Variants in ITGBL1 observed in about 807,000 individuals in gnomAD.
ITGBL1 encodes the protein integrin beta-like protein 1.
Under a neutral mutation model 68.5 loss-of-function variants are expected in ITGBL1, and 51 were observed. The observed-to-expected ratio is 0.74, with a 90% CI of 0.59 to 0.94. The LOEUF (loss-of-function observed/expected upper bound fraction) is 0.94, where lower values mean the gene tolerates loss of function less well. Ranked by LOEUF, ITGBL1 falls within the 40% of genes least tolerant of loss-of-function variation. ITGBL1 has a pLI of 0.00. For missense variants in ITGBL1, 649 were observed against 647.4 expected (o/e 1.00, Z -0.03); for synonymous variants, 209 against 227.3 (o/e 0.92, Z 0.72).
intron 2 of ITGBL1, among the ~76,000 whole-genome samples, chr13:101,473,166 C>CT (rs2139646562): frequency 6.6e-6 from 1 of 152,262 alleles, no homozygotes; most frequent in Non-Finnish European, 1.5e-5. Flanking sequence ...ATTATCCATG[C>CT]AGGAAAGCAC....
Position 101,580,300 on chromosome 13 carries a change from A to G in ITGBL1, c.727+873A>G, listed in dbSNP as rs551201838. Among the ~76,000 whole-genome samples, 8 of 152,320 alleles carry G rather than the reference A, an allele frequency of 5.3e-5. No individual in the cohort carries two copies. The South Asian group carries it at 1.7e-3, about 32-fold the overall frequency. ...CATACCACCTGTCAGAAATTGACATAGAGGAGTAAAATGTGCCACATTTCT... is the reference window on the plus strand; with the variant it reads ...CATACCACCTGTCAGAAATTGACATGGAGGAGTAAAATGTGCCACATTTCT... On this transcript the variant is annotated intron_variant, in intron 5 of 10. Transcript: ENST00000376180.
chr13:101,547,671 A>C (rs2049849806), intron 2 of ITGBL1, among the ~76,000 whole-genome samples: 1 of 151,804 alleles, frequency 6.6e-6, no homozygotes, highest in Non-Finnish European at 1.5e-5. Flanking sequence ...ACAGTCAAAA[A>C]TAATTTATTG....
intron 7 of ITGBL1, among the ~76,000 whole-genome samples, chr13:101,678,061 T>C (rs1383303194): frequency 6.6e-6 from 1 of 152,186 alleles, no homozygotes; most frequent in African/African-American, 2.4e-5. Context: ...AATTATAAAC[T>C]ATTTTTATTT....
At chr13:101,701,671 G>T (rs1031441255) in intron 8 of ITGBL1, among the ~76,000 whole-genome samples, 2 of 152,020 alleles carry the variant, frequency 1.3e-5, no homozygotes, top group African/African-American at 4.8e-5. Flanking sequence ...ACTTCTAAAA[G>T]GGGAAAAATT....
At chr13:101,700,785 C>G (rs1396630814) in intron 8 of ITGBL1, among the ~76,000 whole-genome samples, 1 of 152,158 alleles carries the variant, frequency 6.6e-6, no homozygotes, top group Non-Finnish European at 1.5e-5. Flanking sequence ...AAGAACTTTT[C>G]ATTTGTTTTT....
chr13:101,616,426 A>G (rs2031364007), intron 7 of ITGBL1, among the ~76,000 whole-genome samples: 1 of 152,184 alleles, frequency 6.6e-6, no homozygotes, highest in South Asian at 2.1e-4. Flanking sequence ...CTTCTGTGGT[A>G]TAAGTTGCTC....
chr13:101,690,961 G>T (rs1388109822), intron 7 of ITGBL1, among the ~76,000 whole-genome samples: 1 of 152,148 alleles, frequency 6.6e-6, no homozygotes, highest in Non-Finnish European at 1.5e-5. Flanking sequence ...TGAACAATTA[G>T]CTCCTGCAGC....
intron 2 of ITGBL1, among the ~76,000 whole-genome samples, chr13:101,483,025 C>G (rs2048648887): frequency 2.6e-5 from 4 of 152,212 alleles, no homozygotes; most frequent in Admixed American, 1.3e-4. Flanking sequence ...TGGTATAGAG[C>G]TGGATCTATC....
At chr13:101,709,371 CAAAAAAAAAAAAAAAAAA>C (rs747662212) in intron 9 of ITGBL1, among the ~76,000 whole-genome samples, 1 of 61,198 alleles carries the variant, frequency 1.6e-5, no homozygotes, top group Admixed American at 1.9e-4. Context: ...GACTCCGTCT[CAAAAAAAAAAAAAAAAAA>C]AAAAAAAAAG....
Position 101,556,394 on chromosome 13 carries a change from T to C in ITGBL1, c.317-11305T>C, listed in dbSNP as rs1261883803. 2.6e-5 allele frequency among the ~76,000 whole-genome samples: 4 copies of C among 152,098 alleles called. No homozygotes were observed. The East Asian group carries it at 7.7e-4, about 29-fold the overall frequency. On this transcript the variant is annotated intron_variant, in intron 2 of 10. Coordinates refer to ENST00000376180, the MANE Select transcript of ITGBL1 (RefSeq NM_004791.3). ...GCTCATGCCTGTAATCCCAGCACTTTGGGAGGCCGAGGCAGGCGGATCCCC... is the reference window on the plus strand; with the variant it reads ...GCTCATGCCTGTAATCCCAGCACTTCGGGAGGCCGAGGCAGGCGGATCCCC...
intron 6 of ITGBL1, among the ~76,000 whole-genome samples, chr13:101,586,750 T>C (rs1439688002): frequency 6.6e-6 from 1 of 152,162 alleles, no homozygotes; most frequent in East Asian, 1.9e-4. Flanking sequence ...AAAATAAAAC[T>C]AAGCTTCTCT....
intron 2 of ITGBL1, among the ~76,000 whole-genome samples, chr13:101,459,257 A>G (rs890138143): frequency 6.6e-6 from 1 of 152,196 alleles, no homozygotes; most frequent in Non-Finnish European, 1.5e-5. Context: ...ACGTGGGTTA[A>G]CTTGTTTATG....
intron 3 of ITGBL1, among the ~76,000 whole-genome samples, chr13:101,574,757 G>A (rs1282361017): frequency 6.6e-6 from 1 of 152,108 alleles, no homozygotes; most frequent in Non-Finnish European, 1.5e-5. Context: ...ACTTGGATGA[G>A]TATATGGCTC....
At chr13:101,513,133 A>G (rs759509936) in intron 2 of ITGBL1, among the ~76,000 whole-genome samples, 8 of 152,126 alleles carry the variant, frequency 5.3e-5, no homozygotes, top group Non-Finnish European at 1.0e-4. Flanking sequence ...ACCCCTAAGG[A>G]ACCCTCTATG....
chr13:101,550,512 A>G (rs956816224), intron 2 of ITGBL1, among the ~76,000 whole-genome samples: 54 of 152,198 alleles, frequency 3.5e-4, no homozygotes, highest in Middle Eastern at 3.2e-3. Context: ...TCTTGCCATT[A>G]TAAAGCCCCT....
chr13:101,505,644 A>C (rs1417711966), intron 2 of ITGBL1, among the ~76,000 whole-genome samples: 1 of 152,208 alleles, frequency 6.6e-6, no homozygotes, highest in Admixed American at 6.5e-5. Flanking sequence ...CATGGGTGAC[A>C]AGACAGCATT....
At chr13:101,572,527 T>C (rs1260772577) in intron 3 of ITGBL1, among the ~76,000 whole-genome samples, 1 of 152,096 alleles carries the variant, frequency 6.6e-6, no homozygotes, top group East Asian at 1.9e-4. Context: ...TCATCAAGTG[T>C]AAGGCAGAAG....
At chr13:101,523,750 GA>G (rs1343763604) in intron 2 of ITGBL1, among the ~76,000 whole-genome samples, 3 of 151,972 alleles carry the variant, frequency 2.0e-5, no homozygotes, top group East Asian at 1.9e-4. Flanking sequence ...TGTGACTGCA[GA>G]AAAAAAATTA....
At chr13:101,525,539 T>C (rs1402028585) in intron 2 of ITGBL1, among the ~76,000 whole-genome samples, 1 of 142,454 alleles carries the variant, frequency 7.0e-6, no homozygotes, top group Non-Finnish European at 1.5e-5. Context: ...TTTTTTTTTA[T>C]GTGGAAAAAA....
Sources: gnomAD v4.1 joint callset for allele counts (sites outside exome capture counted in the v4.1 genomes callset) on GRCh38, gnomAD v4.1.1 for gene constraint, MANE v1.5 for transcripts, NCBI Gene and HGNC (gene_info 2026-07-23, HGNC 2026-07-21) for gene names.